Variants in SLC5A10 observed in about 807,000 individuals in gnomAD.
The protein encoded by SLC5A10 is solute carrier family 5 member 10.
Under a neutral mutation model 68.9 loss-of-function variants are expected in SLC5A10, and 55 were observed. The ratio of observed to expected loss-of-function variants is 0.80; its 90% CI spans 0.64 to 1.00. SLC5A10 has a LOEUF of 1.00. Among genes scored for constraint, SLC5A10 ranks in the 50% least tolerant of loss-of-function variants. The pLI is 0.00. For synonymous variants in SLC5A10, 344 were observed against 344.8 expected, an observed-to-expected ratio of 1.00 and a Z score of 0.02; for missense variants, 732 against 819.3, an observed-to-expected ratio of 0.89 and a Z score of 1.30.
intron 7 of SLC5A10, chr17:18,970,076 T>G (rs1052168048): frequency 3.3e-5 from 5 of 152,256 alleles, no homozygotes; most frequent in African/African-American, 1.2e-4. Flanking sequence ...GAATGGCACT[T>G]GTTCATTTGC....
chr17:18,966,778 G>A (rs965766487), intron 5 of SLC5A10, among the ~76,000 whole-genome samples: 6 of 150,626 alleles, frequency 4.0e-5, no homozygotes, highest in African/African-American at 1.2e-4. Context: ...AACACTCTGC[G>A]GTTGCTCCTG....
chr17:18,971,244 C>G lies in SLC5A10; in HGVS notation c.846+26C>G. On this transcript the variant is annotated intron_variant, in intron 8 of 14. Coordinates refer to ENST00000395645, the MANE Select transcript of SLC5A10 (RefSeq NM_001042450.4). This position sits in a 1 kb window ranked among gnomAD's most constrained non-coding sequence, Gnocchi z 5.5. ...GTGAGTGCCAACGTCTCCCGCCCAT[C>G]CCACCTTCCTGCCGTCCCAGTGGGC... The G allele has an allele frequency of 6.2e-7, 1 of 1,612,770 alleles. No individual in the cohort carries two copies. Among genetic ancestry groups the G allele is most frequent in the Non-Finnish European group, 8.5e-7 (1 of 1,179,186 alleles).
chr17:18,965,087 T>TAA (rs1283131713), intron 5 of SLC5A10, among the ~76,000 whole-genome samples: 3 of 93,634 alleles, frequency 3.2e-5, no homozygotes, highest in Admixed American at 1.2e-4. Context: ...GAGGTTTTTT[T>TAA]AAAAAAAAAA....
At chr17:19,009,389 G>T (rs568146986) in intron 9 of SLC5A10, among the ~76,000 whole-genome samples, 1 of 151,864 alleles carries the variant, frequency 6.6e-6, no homozygotes, top group South Asian at 2.1e-4. Flanking sequence ...CTTTCGCCAG[G>T]CTTTGTTGTT....
At chr17:18,983,952 A>G (rs1484390475) in intron 9 of SLC5A10, among the ~76,000 whole-genome samples, 2 of 152,144 alleles carry the variant, frequency 1.3e-5, no homozygotes, top group East Asian at 3.8e-4. Flanking sequence ...TAGGATGTTT[A>G]ACAACATCCT....
intron 9 of SLC5A10, among the ~76,000 whole-genome samples, chr17:18,989,196 C>T (rs2043348455): frequency 6.6e-6 from 1 of 151,846 alleles, no homozygotes; most frequent in Admixed American, 6.5e-5. Flanking sequence ...CTGGCACCAC[C>T]ATCCCTGTCC....
At position 19,008,546 on chromosome 17, in the gene SLC5A10, C is replaced by T. The variant is rs527742903; in HGVS notation, c.983-4864C>T. Reference sequence around the variant, plus strand: ...ACGGGGTCTTGCACTGTTGCCCAGGCTGGCGTGCAGTGTCACGATCTCAGC... The same window carrying T: ...ACGGGGTCTTGCACTGTTGCCCAGGTTGGCGTGCAGTGTCACGATCTCAGC... On this transcript the variant is annotated intron_variant, in intron 9 of 14. Transcript: ENST00000395645. 1.1e-4 allele frequency among the ~76,000 whole-genome samples: 17 copies of T among 150,742 alleles called. No individual in the cohort carries two copies. The East Asian group carries it at 3.1e-3, about 28-fold the overall frequency.
At chr17:18,958,603 G>A in intron 1 of SLC5A10, 79 bp from the exon 2 acceptor site, 1 of 1,266,004 alleles carries the variant, frequency 7.9e-7, no homozygotes, top group Non-Finnish European at 1.1e-6. Context: ...CTTTTGAGGA[G>A]CTGCCAAGCC....
Position 19,003,566 on chromosome 17 carries a change from G to A in SLC5A10, c.983-9844G>A. On this transcript the variant is annotated intron_variant, in intron 9 of 14. Transcript: ENST00000395645. The surrounding 1 kb of genome is among the most constrained non-coding windows in gnomAD (Gnocchi z 4.5). ...CTTCCGCACCACCTCTTTGATGTGG[G>A]CCTGCCCGTCTATGGGGGGCTGCAT... 2 of 1,580,082 alleles carry A rather than the reference G, an allele frequency of 1.3e-6. No homozygotes were observed. The highest frequency in any genetic ancestry group is 1.7e-6 in the Non-Finnish European group (2 of 1,162,692).
rs1443529503 is a variant in SLC5A10, at chr17:18,979,030, T to G, written c.982+2041T>G. On this transcript the variant is annotated intron_variant, in intron 9 of 14. Coordinates refer to ENST00000395645, the MANE Select transcript of SLC5A10 (RefSeq NM_001042450.4). ...CAGACTGAGTCGGATGTCAAGCAAGTTGGTTGCACCAAGCCCATTCCCACC... is the reference window on the plus strand; with the variant it reads ...CAGACTGAGTCGGATGTCAAGCAAGGTGGTTGCACCAAGCCCATTCCCACC... The G allele has an allele frequency of 4.4e-6, 3 of 680,732 alleles. No individual in the cohort carries two copies. In the African/African-American group the frequency reaches 5.4e-5, roughly 12 times the overall value. 42.2% of individuals were successfully genotyped at this position (680,732 alleles called of 1,614,324 possible).
intron 8 of SLC5A10, among the ~76,000 whole-genome samples, chr17:18,975,317 A>T (rs528628392): frequency 9.9e-4 from 150 of 152,270 alleles, no homozygotes; most frequent in African/African-American, 3.3e-3. Context: ...TCTGTAATTA[A>T]TGTTTCCGTG....
intron 9 of SLC5A10, among the ~76,000 whole-genome samples, chr17:18,993,916 C>G (rs889367035): frequency 2.0e-5 from 3 of 152,186 alleles, no homozygotes; most frequent in African/African-American, 4.8e-5. Flanking sequence ...GCAGGTGAAG[C>G]CCTAGCAGGG....
chr17:18,978,151 G>C, intron 9 of SLC5A10: 1 of 1,529,724 alleles, frequency 6.5e-7, no homozygotes, highest in Admixed American at 2.0e-5. Flanking sequence ...TCCGGGGCTT[G>C]GGCACGGGGG....
chr17:19,007,184 G>A (rs957655225), intron 9 of SLC5A10, among the ~76,000 whole-genome samples: 2 of 138,450 alleles, frequency 1.4e-5, no homozygotes, highest in African/African-American at 2.7e-5. Context: ...AACATGTGGT[G>A]TTACCGCTAT....
At chr17:18,977,231 C>G (rs1170439607) in intron 9 of SLC5A10, 1 of 611,312 alleles carries the variant, frequency 1.6e-6, no homozygotes, top group Non-Finnish European at 2.8e-6. Context: ...ATGAACGTCC[C>G]TGTGCCCCGC....
intron 9 of SLC5A10, chr17:18,977,701 G>A (rs761609450): frequency 6.2e-7 from 1 of 1,610,338 alleles, no homozygotes; most frequent in Non-Finnish European, 8.5e-7. Context: ...AGGTCCCTCG[G>A]GTTATATGGG....
intron 9 of SLC5A10, chr17:18,979,728 G>A: frequency 6.2e-7 from 1 of 1,602,418 alleles, no homozygotes; most frequent in Non-Finnish European, 8.5e-7. Context: ...ACCACACAGG[G>A]CGAGGGGAGG....
intron 8 of SLC5A10, among the ~76,000 whole-genome samples, chr17:18,973,895 T>G (rs1262631457): frequency 6.8e-6 from 1 of 146,344 alleles, no homozygotes; most frequent in Non-Finnish European, 1.5e-5. Context: ...TTTTTTTTTT[T>G]TTTTTTTTTT....
intron 9 of SLC5A10, among the ~76,000 whole-genome samples, chr17:18,987,342 G>A (rs1014754760): frequency 6.6e-6 from 1 of 152,218 alleles, no homozygotes; most frequent in East Asian, 1.9e-4. Flanking sequence ...AGGCTGTTGT[G>A]AGGATTAAAT....
Sources: allele counts gnomAD v4.1 joint callset (sites outside exome capture counted in the v4.1 genomes callset), GRCh38; gene constraint gnomAD v4.1.1; non-coding constraint Gnocchi (gnomAD v3.1); transcripts MANE v1.5; gene names NCBI Gene and HGNC (gene_info 2026-07-23, HGNC 2026-07-21).